The following ZNF423 variants were observed in gnomAD, a reference collection of about 807,000 sequenced individuals.
The protein encoded by ZNF423 is Ebf-associated zinc finger protein.
Under a neutral mutation model 95.8 loss-of-function variants are expected in ZNF423, and 12 were observed. The ratio of observed to expected loss-of-function variants is 0.13; its 90% CI spans 0.08 to 0.20. The LOEUF (loss-of-function observed/expected upper bound fraction) is 0.20, where lower values mean the gene tolerates loss of function less well. Among genes scored for constraint, ZNF423 ranks in the 10% least tolerant of loss-of-function variants. The pLI is 1.00. For missense variants in ZNF423, 1,316 were observed against 1,737.1 expected (o/e 0.76, Z 4.31); for synonymous variants, 749 against 711.9 (o/e 1.05, Z -0.83).
chr16:49,710,394 C>G lies in ZNF423; in HGVS notation c.301+20377G>C, dbSNP rs1009920694. Among the ~76,000 whole-genome samples, 3 of 152,212 alleles carry G rather than the reference C, an allele frequency of 2.0e-5. No individual in the cohort carries two copies. In the East Asian group the frequency reaches 5.8e-4, roughly 29 times the overall value. On this transcript the variant is annotated intron_variant, in intron 3 of 7. Transcript: ENST00000563137. ...GGAGTTTGTAAGAAATGTAGACTCT[C>G]CGGCACCCCAGGTCTGTTCAAATGG...
intron 3 of ZNF423, among the ~76,000 whole-genome samples, chr16:49,673,203 T>C (rs765615011): frequency 2.6e-5 from 4 of 152,202 alleles, no homozygotes; most frequent in Non-Finnish European, 4.4e-5. Flanking sequence ...TGACAGGGGC[T>C]GAGGCTTCCA....
intron 7 of ZNF423, among the ~76,000 whole-genome samples, chr16:49,501,349 C>T (rs757018962): frequency 2.0e-5 from 3 of 152,160 alleles, no homozygotes; most frequent in East Asian, 1.9e-4. Flanking sequence ...GTGTTGCTTC[C>T]GGTTTTGCAA....
intron 2 of ZNF423, among the ~76,000 whole-genome samples, chr16:49,774,509 G>A (rs369077981): frequency 2.0e-4 from 30 of 152,308 alleles, no homozygotes; most frequent in African/African-American, 7.0e-4. Context: ...GTGGGTGATC[G>A]TGCGTGCATG....
rs764307309 is a variant in ZNF423, at chr16:49,635,999, C to T, written c.3177G>A (p.Ala1059=). The T allele has an allele frequency of 1.1e-5, 18 of 1,604,740 alleles. 1 individual carries two copies. In the African/African-American group the frequency reaches 1.5e-4, roughly 13 times the overall value. ...FHMQKLAGSS[A]ASSPNGQGLQ... ...GCCCCTGGCCATTGGGGGAGGACGC[C>T]GCTGAGCTGCCCGCCAGCTTCTGCA... The change falls in exon 4 of 8, where the codon GCG becomes GCA. Residue 1059 remains alanine (A), a synonymous_variant. Coordinates refer to ENST00000563137, the MANE Select transcript of ZNF423 (RefSeq NM_001379286.1). The surrounding 1 kb of genome is among the most constrained non-coding windows in gnomAD (Gnocchi z 4.8).
At chr16:49,714,651 G>T (rs1025469192) in intron 3 of ZNF423, among the ~76,000 whole-genome samples, 1 of 148,714 alleles carries the variant, frequency 6.7e-6, no homozygotes, top group Non-Finnish European at 1.5e-5. Flanking sequence ...TGATGAGGCC[G>T]GGTGCAATGG....
At position 49,619,037 on chromosome 16, in the gene ZNF423, AC is replaced by A. The variant is rs1210781001; in HGVS notation, c.3601+7132del. Among the ~76,000 whole-genome samples, 6 of 152,038 alleles carry A rather than the reference AC, an allele frequency of 3.9e-5. No individual in the cohort carries two copies. In the East Asian group the frequency reaches 9.7e-4, roughly 24 times the overall value. On this transcript the variant is annotated intron_variant, in intron 5 of 7. Coordinates refer to ENST00000563137, the MANE Select transcript of ZNF423 (RefSeq NM_001379286.1). ...TACAGTGTCCCTACATACTACATGG[AC>A]CTCTTTTCTCTATAATTGGCTTGTA...
chr16:49,719,574 T>C (rs1425466325), intron 3 of ZNF423, among the ~76,000 whole-genome samples: 2 of 152,158 alleles, frequency 1.3e-5, no homozygotes, highest in Admixed American at 6.5e-5. Flanking sequence ...GATTAGATCA[T>C]GGGGGCAGAT....
intron 5 of ZNF423, among the ~76,000 whole-genome samples, chr16:49,526,595 C>T (rs74361616): frequency 0.024 from 3,660 of 152,292 alleles, 77 homozygotes; most frequent in Admixed American, 0.052. Flanking sequence ...CTCCCTGCTT[C>T]CCGGGCTGCA....
intron 2 of ZNF423, among the ~76,000 whole-genome samples, chr16:49,738,527 C>T (rs2033342766): frequency 6.6e-6 from 1 of 152,142 alleles, no homozygotes; most frequent in Non-Finnish European, 1.5e-5. Context: ...CGGGGCTCAC[C>T]TGAATGCATG....
intron 3 of ZNF423, among the ~76,000 whole-genome samples, chr16:49,690,325 G>GT (rs2151945506): frequency 6.6e-6 from 1 of 152,336 alleles, no homozygotes; most frequent in Admixed American, 6.5e-5. Flanking sequence ...GGGGCCAGGA[G>GT]TTTGAGACCA....
chr16:49,493,078 G>C (rs1967036434), intron 7 of ZNF423, among the ~76,000 whole-genome samples: 1 of 152,120 alleles, frequency 6.6e-6, no homozygotes, highest in Admixed American at 6.5e-5. Context: ...CCACAGATGG[G>C]ATGCAGGCGG....
At chr16:49,561,679 C>T (rs1251042611) in intron 5 of ZNF423, among the ~76,000 whole-genome samples, 4 of 152,164 alleles carry the variant, frequency 2.6e-5, no homozygotes, top group African/African-American at 9.7e-5. Flanking sequence ...TATTTTCTTC[C>T]AGCCCCAGAA....
chr16:49,686,185 G>A (rs900942630), intron 3 of ZNF423, among the ~76,000 whole-genome samples: 2 of 152,214 alleles, frequency 1.3e-5, no homozygotes, highest in Admixed American at 1.3e-4. Context: ...CCAGCTCACT[G>A]TTGTATGCCC....
chr16:49,842,124 G>A (rs1352524896), intron 1 of ZNF423, among the ~76,000 whole-genome samples: 2 of 150,756 alleles, frequency 1.3e-5, no homozygotes, highest in Non-Finnish European at 3.0e-5. Flanking sequence ...TGTAATCCCA[G>A]CTACTCGGGA....
intron 5 of ZNF423, among the ~76,000 whole-genome samples, chr16:49,572,405 T>C (rs1029635778): frequency 7.9e-5 from 12 of 151,790 alleles, no homozygotes; most frequent in Non-Finnish European, 1.8e-4. Flanking sequence ...GGAGATGGCA[T>C]GCACAAAAGC....
chr16:49,518,121 C>T (rs1472403943), intron 7 of ZNF423: 5 of 416,890 alleles, frequency 1.2e-5, no homozygotes, highest in Non-Finnish European at 2.4e-5. Context: ...ATTCTCTCTG[C>T]AATTTATGTT....
In ZNF423 at chr16:49,831,564, A is replaced by G. The variant is rs369355612; in HGVS notation, c.40+24171T>C. ...ACAGCATGAGACCACCATACAGGGCATGAAACTCCCAGTGACTTCCCAAGG... is the reference window on the plus strand; with the variant it reads ...ACAGCATGAGACCACCATACAGGGCGTGAAACTCCCAGTGACTTCCCAAGG... On this transcript the variant is annotated intron_variant, in intron 1 of 7. Transcript: ENST00000563137. Among the ~76,000 whole-genome samples the G allele has an allele frequency of 5.9e-5, 9 of 152,352 alleles. No homozygotes were observed. In the East Asian group the frequency reaches 1.7e-3, roughly 29 times the overall value.
chr16:49,840,866 G>T (rs1391182870), intron 1 of ZNF423, among the ~76,000 whole-genome samples: 1 of 152,212 alleles, frequency 6.6e-6, no homozygotes, highest in Non-Finnish European at 1.5e-5. Flanking sequence ...CTATTATAGG[G>T]CATATGCCCT....
intron 3 of ZNF423, among the ~76,000 whole-genome samples, chr16:49,713,213 A>T (rs781167876): frequency 8.5e-5 from 13 of 152,216 alleles, no homozygotes; most frequent in Non-Finnish European, 1.5e-4. Context: ...AGGGTCCAGG[A>T]GAAACAGGGC....
Sources: allele counts gnomAD v4.1 joint callset (sites outside exome capture counted in the v4.1 genomes callset), GRCh38; gene constraint gnomAD v4.1.1; non-coding constraint Gnocchi (gnomAD v3.1); transcripts MANE v1.5; gene names NCBI Gene and HGNC (gene_info 2026-07-23, HGNC 2026-07-21).